The following EPHB1 variants were observed in gnomAD, a reference collection of about 807,000 sequenced individuals.
EPHB1 encodes the protein EPH receptor B1, also known as ephrin type-B receptor 1.
In EPHB1, 30 loss-of-function variants were observed where a neutral mutation model predicts 94.4. The ratio of observed to expected loss-of-function variants is 0.32; its 90% CI spans 0.24 to 0.43. The LOEUF (loss-of-function observed/expected upper bound fraction) is 0.43. EPHB1 is among the 20% of genes least tolerant of loss of function. The pLI is 1.00. For missense variants in EPHB1, 1,055 were observed against 1,308.3 expected, an observed-to-expected ratio of 0.81 and a Z score of 2.99; for synonymous variants, 522 against 489.1, an observed-to-expected ratio of 1.07 and a Z score of -0.89.
At chr3:135,166,126 C>T in intron 8 of EPHB1, 50 bp downstream of exon 8, 2 of 1,422,742 alleles carry the variant, frequency 1.4e-6, no homozygotes, top group South Asian at 1.1e-5. Flanking sequence ...AAGCCCCTCT[C>T]CATGTGCCGT....
chr3:135,038,386 G>A lies in EPHB1; in HGVS notation c.806-68062G>A, dbSNP rs920357939. 7.2e-5 allele frequency among the ~76,000 whole-genome samples: 11 copies of A among 152,226 alleles called. No homozygotes were observed. The East Asian group carries it at 7.7e-4, about 11-fold the overall frequency. On this transcript the variant is annotated intron_variant, in intron 3 of 15. Transcript: ENST00000398015. ...GTGCTGCTTCCTCTTTGGTCAGTTC[G>A]TGCCCTGAGTAAACATGTAAGTCCT...
chr3:135,255,607 T>A (rs2107734766), intron 15 of EPHB1, among the ~76,000 whole-genome samples: 1 of 149,656 alleles, frequency 6.7e-6, no homozygotes, highest in East Asian at 2.0e-4. Flanking sequence ...TCTGTTCTTT[T>A]ACATTTGCTG....
intron 1 of EPHB1, among the ~76,000 whole-genome samples, chr3:134,900,927 G>A (rs2038188036): frequency 6.6e-6 from 1 of 152,158 alleles, no homozygotes; most frequent in Non-Finnish European, 1.5e-5. Flanking sequence ...GTTGCATGGG[G>A]AAGAATGATG....
At chr3:135,031,432 C>G (rs937318828) in intron 3 of EPHB1, among the ~76,000 whole-genome samples, 9 of 152,180 alleles carry the variant, frequency 5.9e-5, no homozygotes, top group Non-Finnish European at 1.2e-4. Context: ...GCCTCAGCAT[C>G]CAGCGTAGCT....
intron 11 of EPHB1, among the ~76,000 whole-genome samples, chr3:135,195,250 G>A (rs1220782266): frequency 2.6e-5 from 4 of 151,942 alleles, no homozygotes; most frequent in Non-Finnish European, 5.9e-5. Context: ...GAGTGTGCAG[G>A]GGAACAGGGA....
intron 15 of EPHB1, among the ~76,000 whole-genome samples, chr3:135,249,848 A>G (rs1439091128): frequency 6.6e-6 from 1 of 152,224 alleles, no homozygotes; most frequent in Non-Finnish European, 1.5e-5. Context: ...CAGGAAAAGC[A>G]TTGCACTGAT....
At chr3:135,079,569 G>A (rs372743398) in intron 3 of EPHB1, among the ~76,000 whole-genome samples, 30 of 152,220 alleles carry the variant, frequency 2.0e-4, no homozygotes, top group African/African-American at 6.7e-4. Context: ...CCATAAGCAC[G>A]TCACCTCCTT....
intron 12 of EPHB1, among the ~76,000 whole-genome samples, chr3:135,202,887 T>G (rs1942795661): frequency 6.6e-6 from 1 of 152,222 alleles, no homozygotes; most frequent in Non-Finnish European, 1.5e-5. Context: ...CCCAAAGGAT[T>G]AAAAATCATT....
At chr3:135,098,275 G>A (rs1432296094) in intron 3 of EPHB1, among the ~76,000 whole-genome samples, 2 of 152,136 alleles carry the variant, frequency 1.3e-5, no homozygotes, top group African/African-American at 2.4e-5. Flanking sequence ...ATAAAGTACA[G>A]AAACATAATA....
At chr3:135,022,259 C>T (rs571388757) in intron 3 of EPHB1, among the ~76,000 whole-genome samples, 1 of 152,318 alleles carries the variant, frequency 6.6e-6, no homozygotes, top group South Asian at 2.1e-4. Context: ...CGTGAGCCAC[C>T]GCGCCCGGCC....
At chr3:134,909,298 A>G (rs2038405205) in intron 1 of EPHB1, among the ~76,000 whole-genome samples, 1 of 152,234 alleles carries the variant, frequency 6.6e-6, no homozygotes, top group African/African-American at 2.4e-5. Context: ...CCAAGGAGCC[A>G]GCCTTCTGAA....
Position 134,884,277 on chromosome 3 carries a change from C to T in EPHB1, c.59-41539C>T, listed in dbSNP as rs116813012. Among the ~76,000 whole-genome samples the T allele has an allele frequency of 3.7e-3, 567 of 152,194 alleles. 3 individuals are homozygous for T. The highest frequency in any genetic ancestry group is 0.013 in the African/African-American group (534 of 41,520). The stretch of plus-strand genomic sequence containing the variant: ...GAGAGCAGGGATGGTGTGGAGAGGC[C>T]GGGAATTTGAATGCTTCTTGTTGGG... On this transcript the variant is annotated intron_variant, in intron 1 of 15. Coordinates refer to ENST00000398015, the MANE Select transcript of EPHB1 (RefSeq NM_004441.5).
chr3:135,029,881 C>T lies in EPHB1; in HGVS notation c.806-76567C>T, dbSNP rs926996529. ...TATACCAATCAGAGGTAGATTTTGTCTTTTCACATAGTCCCATATTTCTTG... is the reference window on the plus strand; with the variant it reads ...TATACCAATCAGAGGTAGATTTTGTTTTTTCACATAGTCCCATATTTCTTG... On this transcript the variant is annotated intron_variant, in intron 3 of 15. Coordinates refer to ENST00000398015, the MANE Select transcript of EPHB1 (RefSeq NM_004441.5). 1.6e-3 allele frequency among the ~76,000 whole-genome samples: 246 copies of T among 152,060 alleles called. 2 individuals carry two copies. The highest frequency in any genetic ancestry group is 5.8e-3 in the African/African-American group (242 of 41,470).
intron 12 of EPHB1, among the ~76,000 whole-genome samples, chr3:135,228,663 A>G (rs931076720): frequency 2.6e-5 from 4 of 152,172 alleles, no homozygotes; most frequent in Admixed American, 6.5e-5. Flanking sequence ...ACGTTTCTCA[A>G]CCATCAAAGA....
intron 2 of EPHB1, among the ~76,000 whole-genome samples, chr3:134,928,713 A>T (rs1009149832): frequency 2.0e-5 from 3 of 152,132 alleles, no homozygotes; most frequent in African/African-American, 7.2e-5. Flanking sequence ...TGTCAGTGAG[A>T]TGGGAGCCTG....
intron 1 of EPHB1, among the ~76,000 whole-genome samples, chr3:134,830,941 TGAG>T (rs925828866): frequency 1.1e-4 from 17 of 152,172 alleles, no homozygotes; most frequent in Admixed American, 8.5e-4. Context: ...GCAAGGGCCT[TGAG>T]GAAGGGATTT....
intron 15 of EPHB1, among the ~76,000 whole-genome samples, chr3:135,251,229 C>CA (rs1420582103): frequency 2.0e-5 from 3 of 152,090 alleles, no homozygotes; most frequent in Non-Finnish European, 4.4e-5. Context: ...AAATAGACAG[C>CA]AAAAATAAAT....
At chr3:135,084,518 G>A (rs111838216) in intron 3 of EPHB1, among the ~76,000 whole-genome samples, 9,895 of 152,224 alleles carry the variant, frequency 0.065, 347 homozygotes, top group African/African-American at 0.091. Context: ...GACTGGCTGC[G>A]TGATGGATGA....
intron 3 of EPHB1, among the ~76,000 whole-genome samples, chr3:135,045,483 C>T (rs1007074083): frequency 2.6e-5 from 4 of 152,166 alleles, no homozygotes; most frequent in African/African-American, 4.8e-5. Context: ...GCAAGCTGAA[C>T]TAGCCAATTC....
Sources: gnomAD v4.1 joint callset for allele counts (sites outside exome capture counted in the v4.1 genomes callset) on GRCh38, gnomAD v4.1.1 for gene constraint, MANE v1.5 for transcripts, NCBI Gene and HGNC (gene_info 2026-07-23, HGNC 2026-07-21) for gene names.